NFX1: variants seen among roughly 807,000 people sequenced by gnomAD.
NFX1 encodes nuclear transcription factor, X-box binding 1.
NFX1 carries 69 observed loss-of-function variants against 137.2 expected under a neutral mutation model. That is an observed-to-expected ratio of 0.50 (90% confidence interval 0.41 to 0.61). The LOEUF is 0.61. Among genes scored for constraint, NFX1 ranks in the 20% least tolerant of loss-of-function variants. The pLI, the probability that NFX1 is intolerant of heterozygous loss-of-function variation, is 0.00. For synonymous variants in NFX1, 495 were observed against 474.1 expected (o/e 1.04, Z -0.57); for missense variants, 1,167 against 1,391.0 (o/e 0.84, Z 2.56).
chr9:33,315,891 C>CAAA (rs11394022), intron 7 of NFX1, among the ~76,000 whole-genome samples: 373 of 147,398 alleles, frequency 2.5e-3, no homozygotes, highest in Middle Eastern at 0.011. Context: ...ACCTCTGTCT[C>CAAA]AAAAAAAAAA....
At chr9:33,310,230 T>C (rs1041161818) in intron 5 of NFX1, among the ~76,000 whole-genome samples, 26 of 152,200 alleles carry the variant, frequency 1.7e-4, no homozygotes, top group African/African-American at 6.3e-4. Flanking sequence ...CAAATTCTGT[T>C]ACCCATCTGA....
At chr9:33,297,487 C>G (rs1821399008) in intron 2 of NFX1, among the ~76,000 whole-genome samples, 2 of 152,222 alleles carry the variant, frequency 1.3e-5, no homozygotes, top group Admixed American at 1.3e-4. Context: ...CTTATGATAA[C>G]ACACATTTAC....
At chr9:33,332,876 C>T (rs150027958) in intron 11 of NFX1, among the ~76,000 whole-genome samples, 3 of 152,210 alleles carry the variant, frequency 2.0e-5, no homozygotes, top group African/African-American at 4.8e-5. Flanking sequence ...GACGGAGTCT[C>T]GCTCTGTTTC....
Position 33,295,358 on chromosome 9 carries a change from C to G in NFX1, c.964C>G (p.Pro322Ala), listed in dbSNP as rs1296598489. The change falls in exon 2 of 24, where the codon CCT becomes GCT. Residue 322 changes from proline (P) to alanine (A), a missense_variant. Physicochemically the swap from Pro to Ala is conservative, Grantham distance 27 (BLOSUM62 -1). Coordinates refer to ENST00000379540, the MANE Select transcript of NFX1 (RefSeq NM_002504.6). ...QEKCTVRRQD[P>A]QVVSPFSRGK... The stretch of plus-strand genomic sequence containing the variant: ...GAAATGCACTGTACGGAGGCAGGAT[C>G]CTCAAGTAGTATCTCCTTTCTCCCG... 3 of 1,613,984 alleles carry G rather than the reference C, an allele frequency of 1.9e-6. No individual in the cohort carries two copies. Among genetic ancestry groups the G allele is most frequent in the African/African-American group, 2.7e-5 (2 of 74,912 alleles).
At chr9:33,296,811 C>T (rs1249606934) in intron 2 of NFX1, among the ~76,000 whole-genome samples, 4 of 152,206 alleles carry the variant, frequency 2.6e-5, no homozygotes, top group African/African-American at 9.6e-5. Context: ...AGCCCTCACG[C>T]TTATGTCTTT....
Position 33,303,280 on chromosome 9 carries a change from T to A in NFX1, c.1270+12T>A. 6.2e-7 allele frequency: 1 copy of A among 1,609,860 alleles called. No homozygotes were observed. ...CACTTGTTTCTGTGGTAAGTTTGTT[T>A]ATATACACTGGAGTCTCTTTTACTA... On this transcript the variant is annotated intron_variant, in intron 4 of 23. Transcript: ENST00000379540.
chr9:33,303,618 A>G (rs1426658046), intron 4 of NFX1, among the ~76,000 whole-genome samples: 2 of 152,220 alleles, frequency 1.3e-5, no homozygotes, highest in Non-Finnish European at 2.9e-5. Flanking sequence ...GAGCAGTATG[A>G]GTAAATAATA....
At chr9:33,369,778 C>A in intron 23 of NFX1, 128 bp from the exon 24 acceptor site, 3 of 756,820 alleles carry the variant, frequency 4.0e-6, no homozygotes, top group Non-Finnish European at 6.5e-6. Context: ...AAAAGTAAGA[C>A]TAAAATAAAA....
At chr9:33,347,278 G>C (rs755044520) in intron 15 of NFX1, among the ~76,000 whole-genome samples, 161 bp downstream of exon 15, 1 of 152,132 alleles carries the variant, frequency 6.6e-6, no homozygotes, top group Non-Finnish European at 1.5e-5. Flanking sequence ...GCATACAACA[G>C]AATTTACCCT....
intron 9 of NFX1, among the ~76,000 whole-genome samples, chr9:33,321,792 TCATTTGACCCTGGGA>T (rs1822394422): frequency 6.6e-6 from 1 of 151,076 alleles, no homozygotes; most frequent in Non-Finnish European, 1.5e-5. Flanking sequence ...GGCAAAAGGA[TCATTTGACCCTGGGA>T]TGTTGAGGCT....
intron 6 of NFX1, among the ~76,000 whole-genome samples, chr9:33,312,702 C>T (rs1248230893): frequency 2.0e-5 from 3 of 152,206 alleles, no homozygotes; most frequent in African/African-American, 7.2e-5. Context: ...GAAACCCCGT[C>T]TCTACTAAAA....
At chr9:33,354,439 A>C (rs1408299085) in intron 18 of NFX1, among the ~76,000 whole-genome samples, 1 of 152,232 alleles carries the variant, frequency 6.6e-6, no homozygotes, top group Non-Finnish European at 1.5e-5. Flanking sequence ...TGTTTAGCTT[A>C]ACCCATATGA....
Position 33,371,144 on chromosome 9 carries a change from A to C in NFX1, c.*1166A>C, listed in dbSNP as rs1233825779. 6.6e-6 allele frequency: 1 copy of C among 152,228 alleles called. No homozygotes were observed. Among genetic ancestry groups the C allele is most frequent in the East Asian group, 1.9e-4 (1 of 5,198 alleles). The allele number at this position is 152,228 out of a possible 1,614,324, so 9.4% of individuals were successfully genotyped here. A position where few individuals can be genotyped will look rare whatever the true frequency, so the allele number is the denominator to read the frequency against. ...AAAAACAAGCACTTAATTAAATTAT[A>C]AAATTTAACTTTATAGGGCTGCCTT... is the stretch of plus-strand genomic sequence containing the variant. On this transcript the variant is annotated 3_prime_UTR_variant, in exon 24 of 24. Transcript: ENST00000379540.
Position 33,323,382 on chromosome 9 carries a change from A to G in NFX1, c.1906+4255A>G, listed in dbSNP as rs551831606. Among the ~76,000 whole-genome samples, 4 of 152,364 alleles carry G rather than the reference A, an allele frequency of 2.6e-5. 1 individual carries two copies. Among genetic ancestry groups the G allele is most frequent in the African/African-American group, 9.6e-5 (4 of 41,586 alleles). On this transcript the variant is annotated intron_variant, in intron 9 of 23. Transcript: ENST00000379540. The stretch of plus-strand genomic sequence containing the variant: ...AATGTGCAAAGAAACAGGGAAAAAA[A>G]CAGGCAACAGAAACTGCCTTGTGAG...
At chr9:33,296,489 A>G (rs1821360174) in intron 2 of NFX1, among the ~76,000 whole-genome samples, 1 of 152,170 alleles carries the variant, frequency 6.6e-6, no homozygotes, top group Non-Finnish European at 1.5e-5. Context: ...GCACTTGGGG[A>G]GGCTGAGGTG....
chr9:33,301,829 T>A (rs1821578712), intron 3 of NFX1, among the ~76,000 whole-genome samples: 1 of 152,206 alleles, frequency 6.6e-6, no homozygotes, highest in South Asian at 2.1e-4. Flanking sequence ...CCCAGCGCTT[T>A]GGGAGGCCAA....
intron 7 of NFX1, among the ~76,000 whole-genome samples, chr9:33,315,635 C>T (rs1451601739): frequency 6.6e-6 from 1 of 151,584 alleles, no homozygotes; most frequent in Non-Finnish European, 1.5e-5. Flanking sequence ...CACGGTAGCT[C>T]ATGCACTCTG....
Position 33,290,532 on chromosome 9 carries a change from T to C in NFX1, c.-41T>C, listed in dbSNP as rs1821115291. 1.2e-6 allele frequency: 2 copies of C among 1,613,152 alleles called. No individual in the cohort carries two copies. Among genetic ancestry groups the C allele is most frequent in the Non-Finnish European group, 1.7e-6 (2 of 1,179,384 alleles). On this transcript the variant is annotated 5_prime_UTR_variant, in exon 1 of 24. Coordinates refer to ENST00000379540, the MANE Select transcript of NFX1 (RefSeq NM_002504.6). ...GGGGCACGTGACCTGGTGACAGTGC[T>C]GACTTGGCTGTACAGCTCGATCTAG...
chr9:33,299,581 A>G (rs1016672564), intron 2 of NFX1, among the ~76,000 whole-genome samples: 1 of 152,108 alleles, frequency 6.6e-6, no homozygotes, highest in African/African-American at 2.4e-5. Context: ...CCAGCTACTC[A>G]GGATGCTGAG....
Sources: allele counts gnomAD v4.1 joint callset (sites outside exome capture counted in the v4.1 genomes callset), GRCh38; gene constraint gnomAD v4.1.1; transcripts MANE v1.5; gene names NCBI Gene and HGNC (gene_info 2026-07-23, HGNC 2026-07-21).